ADAMTS18: variants seen among roughly 807,000 people sequenced by gnomAD.
The protein encoded by ADAMTS18 is A disintegrin and metalloproteinase with thrombospondin motifs 18.
ADAMTS18 carries 157 observed loss-of-function variants against 165.9 expected under a neutral mutation model. The ratio of observed to expected loss-of-function variants is 0.95; its 90% CI spans 0.83 to 1.08. The LOEUF (loss-of-function observed/expected upper bound fraction) is 1.08, where lower values mean the gene tolerates loss of function less well. ADAMTS18 is among the 50% of genes least tolerant of loss of function. The pLI, the probability that ADAMTS18 is intolerant of heterozygous loss-of-function variation, is 0.00. For missense variants in ADAMTS18, 2,040 were observed against 1,534.0 expected (o/e 1.33, Z -5.51); for synonymous variants, 782 against 578.2 (o/e 1.35, Z -5.06).
rs1166450217 is a variant in ADAMTS18 at position 77,319,967 on chromosome 16, C to G, written c.2414G>C (p.Ser805Thr). The change falls in exon 16 of 23, where the codon AGC (serine) becomes ACC (threonine). Residue 805 changes from serine to threonine, a missense_variant. Coordinates refer to ENST00000282849, the MANE Select transcript of ADAMTS18 (RefSeq NM_199355.4). ...GGGGAACTCCCCAGGCCAGTCGATG[C>G]TCCAGCCCCCGGTGAGGTAATACTT... The part of the protein sequence containing the change: ...SQKYYLTGGW[S>T]IDWPGEFPFA... 3.7e-6 allele frequency: 6 copies of G among 1,614,218 alleles called. No individual in the cohort carries two copies. The highest frequency in any genetic ancestry group is 1.3e-5 in the African/African-American group (1 of 75,056).
intron 3 of ADAMTS18, among the ~76,000 whole-genome samples, chr16:77,410,292 GAAA>G (rs11376240): frequency 1.4e-5 from 2 of 141,278 alleles, no homozygotes; most frequent in Non-Finnish European, 3.1e-5. Flanking sequence ...ACCCAAATTT[GAAA>G]AAAAAAAAAA....
chr16:77,290,910 G>C (rs1212554519), intron 21 of ADAMTS18: 2 of 284,146 alleles, frequency 7.0e-6, no homozygotes, highest in Non-Finnish European at 1.4e-5. Context: ...AATGAGTAAA[G>C]GCTGTGAGCA....
intron 16 of ADAMTS18, among the ~76,000 whole-genome samples, chr16:77,309,081 T>G (rs2055732917): frequency 6.6e-6 from 1 of 152,212 alleles, no homozygotes; most frequent in Non-Finnish European, 1.5e-5. Context: ...TATGCCAGAC[T>G]TATGTTGTAG....
chr16:77,338,682 G>A (rs143652454), intron 11 of ADAMTS18, among the ~76,000 whole-genome samples: 129 of 152,046 alleles, frequency 8.5e-4, no homozygotes, highest in African/African-American at 2.9e-3. Flanking sequence ...GGCCGGGCGC[G>A]GTGGCTCAGG....
intron 11 of ADAMTS18, among the ~76,000 whole-genome samples, chr16:77,338,393 G>A (rs1398556033): frequency 6.6e-6 from 1 of 151,856 alleles, no homozygotes; most frequent in East Asian, 2.0e-4. Flanking sequence ...GCACCAGCAT[G>A]CTCAGGTAAT....
intron 3 of ADAMTS18, among the ~76,000 whole-genome samples, chr16:77,383,690 C>T (rs1443169716): frequency 6.6e-6 from 1 of 151,958 alleles, no homozygotes; most frequent in Non-Finnish European, 1.5e-5. Context: ...TTACAGGCAC[C>T]CACCACCACG....
At chr16:77,398,319 AAACAACAAC>A (rs143795076) in intron 3 of ADAMTS18, among the ~76,000 whole-genome samples, 4 of 150,954 alleles carry the variant, frequency 2.6e-5, no homozygotes, top group Admixed American at 6.6e-5. Context: ...TCTGTCTCAA[AAACAACAAC>A]AACAACAACA....
chr16:77,403,405 G>A (rs1310759213), intron 3 of ADAMTS18, among the ~76,000 whole-genome samples: 2 of 152,170 alleles, frequency 1.3e-5, no homozygotes, highest in Non-Finnish European at 1.5e-5. Flanking sequence ...TCAAGTGGCA[G>A]AGCCAGTATT....
At chr16:77,377,698 T>G (rs957998299) in intron 3 of ADAMTS18, among the ~76,000 whole-genome samples, 1 of 152,238 alleles carries the variant, frequency 6.6e-6, no homozygotes, top group East Asian at 1.9e-4. Context: ...TTTTTCACTT[T>G]TTAATTTTGA....
chr16:77,377,977 A>G (rs1364891459), intron 3 of ADAMTS18, among the ~76,000 whole-genome samples: 3 of 152,320 alleles, frequency 2.0e-5, no homozygotes, highest in African/African-American at 7.2e-5. Flanking sequence ...TAAGTAAAGA[A>G]AATGCTGAGA....
intron 11 of ADAMTS18, among the ~76,000 whole-genome samples, chr16:77,336,460 C>T (rs748171806): frequency 2.0e-5 from 3 of 152,130 alleles, no homozygotes; most frequent in Non-Finnish European, 2.9e-5. Flanking sequence ...ATTCCAAACC[C>T]GTCACTATAG....
In ADAMTS18 at chr16:77,434,275, C is replaced by T. The variant is rs917489201; in HGVS notation, c.178+143G>A. The stretch of plus-strand genomic sequence containing the variant: ...AGTTCAGTCCTTGCCAACCTTCCCC[C>T]CTCTCCAAACAGGAACCATTTCCAA... On this transcript the variant is annotated intron_variant, in intron 2 of 22. Transcript: ENST00000282849. 32 of 970,070 alleles carry T rather than the reference C, an allele frequency of 3.3e-5. No individual in the cohort carries two copies. The African/African-American group carries it at 4.2e-4, about 13-fold the overall frequency. 60.1% of individuals were successfully genotyped at this position (970,070 alleles called of 1,614,324 possible). A position where few individuals can be genotyped will look rare whatever the true frequency, so the allele number is the denominator to read the frequency against.
chr16:77,325,802 G>T lies in ADAMTS18; in HGVS notation c.2032+64C>A, dbSNP rs957926563. 3.3e-6 allele frequency: 5 copies of T among 1,504,024 alleles called. No individual in the cohort carries two copies. The African/African-American group carries it at 6.9e-5, about 21-fold the overall frequency. 93.2% of individuals were successfully genotyped at this position (1,504,024 alleles called of 1,614,324 possible). On this transcript the variant is annotated intron_variant, in intron 13 of 22. Transcript: ENST00000282849. ...TTTGATACAAGCAGCAATTTCTTCT[G>T]TATTGGTCAATCACATTATTATCCA...
chr16:77,303,300 G>A (rs1274920052), intron 16 of ADAMTS18, among the ~76,000 whole-genome samples: 4 of 152,128 alleles, frequency 2.6e-5, no homozygotes, highest in Non-Finnish European at 4.4e-5. Flanking sequence ...GCATGGCTAC[G>A]GATGACACCC....
intron 3 of ADAMTS18, among the ~76,000 whole-genome samples, chr16:77,429,820 T>G (rs1268952702): frequency 6.6e-6 from 1 of 152,202 alleles, no homozygotes; most frequent in Non-Finnish European, 1.5e-5. Context: ...TGCCAGGAAC[T>G]GCTATGGCAC....
intron 3 of ADAMTS18, among the ~76,000 whole-genome samples, chr16:77,425,118 T>C (rs1005248733): frequency 6.6e-6 from 1 of 152,200 alleles, no homozygotes; most frequent in African/African-American, 2.4e-5. Context: ...GTTTCCAAAG[T>C]TCTGCAAGAA....
chr16:77,433,199 G>A (rs2144872174), intron 2 of ADAMTS18, among the ~76,000 whole-genome samples: 1 of 152,252 alleles, frequency 6.6e-6, no homozygotes, highest in African/African-American at 2.4e-5. Context: ...ACTTAACTAT[G>A]AAAAAGATTC....
chr16:77,340,214 A>T (rs1364878147), intron 11 of ADAMTS18, among the ~76,000 whole-genome samples: 1 of 152,132 alleles, frequency 6.6e-6, no homozygotes, highest in Non-Finnish European at 1.5e-5. Flanking sequence ...TTGCTCTGTC[A>T]CCCAGGCTGG....
At chr16:77,293,002 G>C (rs1258044011) in intron 20 of ADAMTS18, 74 bp downstream of exon 20, 1 of 1,591,030 alleles carries the variant, frequency 6.3e-7, no homozygotes, top group Non-Finnish European at 8.6e-7. Flanking sequence ...TGTATTTTTA[G>C]TAGAGACAGG....
Sources: gnomAD v4.1 joint callset for allele counts (sites outside exome capture counted in the v4.1 genomes callset) on GRCh38, gnomAD v4.1.1 for gene constraint, MANE v1.5 for transcripts, NCBI Gene and HGNC (gene_info 2026-07-23, HGNC 2026-07-21) for gene names.